Variants in IL4R observed in about 807,000 individuals in gnomAD.
The protein encoded by IL4R is interleukin 4 receptor.
In IL4R, 17 loss-of-function variants were observed where a neutral mutation model predicts 41.5. That is an observed-to-expected ratio of 0.41 (90% CI 0.28 to 0.61). IL4R has a LOEUF of 0.61. Ranked by LOEUF, IL4R falls within the 20% of genes least tolerant of loss-of-function variation. The probability of loss-of-function intolerance (pLI) is 0.31; values close to 1 mark genes in which losing one functional copy is unlikely to be tolerated. For synonymous variants in IL4R, 402 were observed against 422.9 expected, an observed-to-expected ratio of 0.95 and a Z score of 0.61; for missense variants, 974 against 1,043.1, an observed-to-expected ratio of 0.93 and a Z score of 0.91.
intron 6 of IL4R, among the ~76,000 whole-genome samples, chr16:27,347,556 C>T (rs2085695520): frequency 1.3e-5 from 2 of 152,192 alleles, no homozygotes; most frequent in Admixed American, 1.3e-4. Context: ...TTACAGGAAA[C>T]TATCAGGTCA....
chr16:27,327,825 A>G (rs560035509), intron 1 of IL4R, among the ~76,000 whole-genome samples: 10 of 152,106 alleles, frequency 6.6e-5, no homozygotes, highest in Admixed American at 1.3e-4. Flanking sequence ...TGATTAATAT[A>G]TTGTAAGTAC....
In IL4R at chr16:27,363,256, A is replaced by G. The variant is rs552136777; in HGVS notation, c.1904A>G (p.Gln635Arg). 1 of 1,603,288 alleles carries G rather than the reference A, an allele frequency of 6.2e-7. No individual in the cohort carries two copies. Among genetic ancestry groups the G allele is most frequent in the African/African-American group, 1.3e-5 (1 of 74,786 alleles). ...SSGEEGYKPF[Q>R]DLIPGCPGDP... Reference sequence around the variant, plus strand: ...GGGGAAGAGGGGTATAAGCCTTTCCAAGACCTCATTCCTGGCTGCCCTGGG... The same window carrying G: ...GGGGAAGAGGGGTATAAGCCTTTCCGAGACCTCATTCCTGGCTGCCCTGGG... The change falls in exon 11 of 11, where the codon CAA becomes CGA. Residue 635 changes from glutamine to arginine, a missense_variant. By Grantham distance (43) the Gln-to-Arg change is conservative (BLOSUM62 1). This residue lies in a region of IL4R where 682 missense variants were observed against 704.3 expected (regional missense o/e 0.97). Transcript: ENST00000395762.
intron 2 of IL4R, among the ~76,000 whole-genome samples, chr16:27,336,966 A>G (rs1195083595): frequency 6.6e-6 from 1 of 152,004 alleles, no homozygotes; most frequent in East Asian, 1.9e-4. Context: ...AATCCCAGCT[A>G]CTCAGAAGGC....
chr16:27,351,529 T>C (rs943809166), intron 6 of IL4R, among the ~76,000 whole-genome samples: 12 of 36,484 alleles, frequency 3.3e-4, no homozygotes, highest in Non-Finnish European at 4.6e-4. Flanking sequence ...TTTTTTTTTT[T>C]CCGAGACGAA....
Position 27,363,360 on chromosome 16 carries a change from C to A in IL4R, c.2008C>A (p.Leu670Ile), listed in dbSNP as rs761845785. The A allele has an allele frequency of 1.9e-6, 3 of 1,614,122 alleles. No individual in the cohort carries two copies. Among genetic ancestry groups the A allele is most frequent in the Non-Finnish European group, 2.5e-6 (3 of 1,180,018 alleles). ...ACCTCGCAGTCCGCAGAGCTCACATCTCCCAAGCAGCTCCCCAGAGCACCT... is the reference window on the plus strand; with the variant it reads ...ACCTCGCAGTCCGCAGAGCTCACATATCCCAAGCAGCTCCCCAGAGCACCT... Reference protein sequence around the residue: ...EPPRSPQSSHLPSSSPEHLGL... With the variant: ...EPPRSPQSSHIPSSSPEHLGL... Residue 670 changes from leucine to isoleucine, a missense_variant, in exon 11 of 11, where the codon CTC becomes ATC. Coordinates refer to ENST00000395762, the MANE Select transcript of IL4R (RefSeq NM_000418.4).
intron 1 of IL4R, among the ~76,000 whole-genome samples, chr16:27,314,683 G>A (rs553881032): frequency 6.6e-6 from 1 of 152,200 alleles, no homozygotes; most frequent in South Asian, 2.1e-4. Context: ...AGCAGGACTA[G>A]AGCCCAGGCA....
At chr16:27,357,493 G>C (rs935223774) in intron 8 of IL4R, among the ~76,000 whole-genome samples, 5 of 152,068 alleles carry the variant, frequency 3.3e-5, no homozygotes, top group Non-Finnish European at 4.4e-5. Flanking sequence ...GGACAGAGTG[G>C]AGTCTCAAAA....
intron 4 of IL4R, among the ~76,000 whole-genome samples, 189 bp from the exon 5 acceptor site, chr16:27,344,680 C>CA (rs999202854): frequency 1.3e-5 from 2 of 152,230 alleles, no homozygotes; most frequent in African/African-American, 2.4e-5. Context: ...CTGTGGCCAG[C>CA]AAGAGAGGCA....
chr16:27,327,296 G>A (rs1246773346), intron 1 of IL4R, among the ~76,000 whole-genome samples: 2 of 152,000 alleles, frequency 1.3e-5, no homozygotes, highest in African/African-American at 4.8e-5. Context: ...CCCCCTGTGC[G>A]CCCCCAGTCC....
At chr16:27,360,435 G>A (rs1045838974) in intron 9 of IL4R, among the ~76,000 whole-genome samples, 1 of 152,194 alleles carries the variant, frequency 6.6e-6, no homozygotes, top group Non-Finnish European at 1.5e-5. Flanking sequence ...GAAGTCCCAA[G>A]GCTTCTTGAG....
intron 7 of IL4R, chr16:27,354,243 G>T (rs927348933): frequency 6.6e-6 from 1 of 152,170 alleles, no homozygotes; most frequent in Non-Finnish European, 1.5e-5. Context: ...ACTGGGTTTT[G>T]TACAGCAGCC....
chr16:27,362,124 A>G (rs2086315319), intron 10 of IL4R, 128 bp from the exon 11 acceptor site: 2 of 850,474 alleles, frequency 2.4e-6, no homozygotes, highest in Non-Finnish European at 1.9e-6. Context: ...ATTACTGATT[A>G]TAACGTTAGA....
At chr16:27,320,520 C>T (rs940879537) in intron 1 of IL4R, among the ~76,000 whole-genome samples, 2 of 152,108 alleles carry the variant, frequency 1.3e-5, no homozygotes, top group African/African-American at 4.8e-5. Flanking sequence ...TAGAGACTTA[C>T]CTGGGTGACA....
intron 8 of IL4R, 46 bp from the exon 9 acceptor site, chr16:27,358,870 C>T: frequency 7.0e-7 from 1 of 1,431,704 alleles, no homozygotes; most frequent in Non-Finnish European, 9.9e-7. Flanking sequence ...GGAGCGTTCA[C>T]CTGTCAATAA....
In IL4R at chr16:27,362,298, CACA is replaced by C. The variant is rs2086323519; in HGVS notation, c.950_952del (p.Asn317del). 1.2e-6 allele frequency: 2 copies of C among 1,614,090 alleles called. No homozygotes were observed. Among genetic ancestry groups the C allele is most frequent in the Non-Finnish European group, 1.7e-6 (2 of 1,179,996 alleles). On this transcript the variant is annotated inframe_deletion, in exon 11 of 11. Transcript: ENST00000395762. ...CAAGCTCTTGCCCTGTTTTCTGGAG[CACA>C]ACATGAAAAGGGATGAAGATCCTCA...
chr16:27,350,938 G>T (rs749000988), intron 6 of IL4R, among the ~76,000 whole-genome samples: 3 of 152,152 alleles, frequency 2.0e-5, no homozygotes, highest in Non-Finnish European at 4.4e-5. Context: ...TTCAGTCATC[G>T]CTGTCTTAGT....
At chr16:27,354,986 T>C (rs2086010115) in intron 7 of IL4R, 1 of 465,430 alleles carries the variant, frequency 2.1e-6, no homozygotes, top group Non-Finnish European at 4.5e-6. Context: ...ATGAAACAGA[T>C]AACAATGTAT....
At position 27,363,089 on chromosome 16, in the gene IL4R, A is replaced by G. The variant is rs1158897013; in HGVS notation, c.1737A>G (p.Val579=). ...CCACCAGTGGCTATCAGGAGTTTGT[A>G]CATGCGGTGGAGCAGGGTGGCACCC... The part of the protein sequence containing the change: ...SAPTSGYQEF[V]HAVEQGGTQA... Residue 579 remains valine (V), a synonymous_variant, in exon 11 of 11, where the codon GTA becomes GTG. Coordinates refer to ENST00000395762, the MANE Select transcript of IL4R (RefSeq NM_000418.4). 1.2e-5 allele frequency: 20 copies of G among 1,613,990 alleles called. No individual in the cohort carries two copies. The highest frequency in any genetic ancestry group is 1.5e-5 in the Non-Finnish European group (18 of 1,180,036).
At chr16:27,361,505 G>A (rs1228179204) in intron 10 of IL4R, among the ~76,000 whole-genome samples, 6 of 151,888 alleles carry the variant, frequency 4.0e-5, no homozygotes, top group African/African-American at 7.2e-5. Flanking sequence ...GTGTTGCCCC[G>A]CCACTGTGGC....
Sources: allele counts gnomAD v4.1 joint callset (sites outside exome capture counted in the v4.1 genomes callset), GRCh38; gene constraint gnomAD v4.1.1; regional missense constraint gnomAD v4.1.1; transcripts MANE v1.5; gene names NCBI Gene and HGNC (gene_info 2026-07-23, HGNC 2026-07-21).